Variants in B3GALT5 observed in about 807,000 individuals in gnomAD.
The protein encoded by B3GALT5 is beta-1,3-galactosyltransferase 5, also known as UDP-Gal:betaGlcNAc beta 1,3-galactosyltransferase, polypeptide 5.
For missense variants in B3GALT5, 328 were observed against 396.6 expected, an observed-to-expected ratio of 0.83 and a Z score of 1.47; for synonymous variants, 156 against 158.6, an observed-to-expected ratio of 0.98 and a Z score of 0.12.
intron 1 of B3GALT5, among the ~76,000 whole-genome samples, chr21:39,639,783 C>G (rs984303323): frequency 7.9e-5 from 12 of 151,962 alleles, no homozygotes; most frequent in African/African-American, 2.9e-4. Flanking sequence ...CAGCCCAGCA[C>G]GCATCTGGCA....
intron 1 of B3GALT5, among the ~76,000 whole-genome samples, chr21:39,625,628 A>G (rs2079159627): frequency 1.3e-5 from 2 of 152,202 alleles, no homozygotes; most frequent in Non-Finnish European, 2.9e-5. Flanking sequence ...AAAAGTCCTC[A>G]ATAAAGAAAC....
intron 2 of B3GALT5, among the ~76,000 whole-genome samples, chr21:39,654,956 T>C (rs2079428200): frequency 6.6e-6 from 1 of 152,242 alleles, no homozygotes; most frequent in African/African-American, 2.4e-5. Flanking sequence ...TGCTCTTTTA[T>C]GATATTTGCT....
In B3GALT5 at chr21:39,657,942, G is replaced by A; in HGVS notation, c.-160-1811G>A. 5 of 1,226,796 alleles carry A rather than the reference G, an allele frequency of 4.1e-6. No homozygotes were observed. The South Asian group carries it at 2.1e-4, about 51-fold the overall frequency. 76.0% of individuals were successfully genotyped at this position (1,226,796 alleles called of 1,614,324 possible). A position where few individuals can be genotyped will look rare whatever the true frequency, so the allele number is the denominator to read the frequency against. On this transcript the variant is annotated intron_variant, in intron 2 of 3. Coordinates refer to ENST00000684187, the MANE Select transcript of B3GALT5 (RefSeq NM_001356336.2). ...GTGCCTGTTCATGGCTCTGTCCCAG[G>A]TAAGGCAGAGCTAGCTTGTGCTGAG...
Position 39,644,256 on chromosome 21 carries a change from C to T in B3GALT5, c.-391-2136C>T, listed in dbSNP as rs565489636. Among the ~76,000 whole-genome samples, 14 of 152,236 alleles carry T rather than the reference C, an allele frequency of 9.2e-5. No homozygotes were observed. In the East Asian group the frequency reaches 9.6e-4, roughly 10 times the overall value. ...AGAAACGACTTTGAGTTCTGTCCTA[C>T]GTCCCCAACACCTGTGAAGATAAGG... On this transcript the variant is annotated intron_variant, in intron 1 of 3. Transcript: ENST00000684187.
At chr21:39,618,912 C>G (rs898226516) in intron 1 of B3GALT5, among the ~76,000 whole-genome samples, 2 of 152,130 alleles carry the variant, frequency 1.3e-5, no homozygotes, top group South Asian at 2.1e-4. Context: ...TAAAAGCCTT[C>G]AAGTTTTGCT....
chr21:39,639,448 C>T (rs1414613149), intron 1 of B3GALT5, among the ~76,000 whole-genome samples: 35 of 121,760 alleles, frequency 2.9e-4, no homozygotes, highest in Middle Eastern at 3.8e-3. Context: ...TTCTTTCTTT[C>T]TTTCTTTTTT....
intron 1 of B3GALT5, among the ~76,000 whole-genome samples, chr21:39,621,035 C>CAGG (rs1174073117): frequency 2.0e-5 from 3 of 152,124 alleles, no homozygotes; most frequent in African/African-American, 7.2e-5. Flanking sequence ...GAGACCAAAG[C>CAGG]AGGAGGATTG....
intron 1 of B3GALT5, among the ~76,000 whole-genome samples, chr21:39,626,094 C>T (rs1365992535): frequency 6.6e-6 from 1 of 152,132 alleles, no homozygotes; most frequent in Non-Finnish European, 1.5e-5. Flanking sequence ...TCCTCCCTAC[C>T]CCCAGCCCCT....
chr21:39,646,172 C>T (rs901916543), intron 1 of B3GALT5, among the ~76,000 whole-genome samples: 1 of 152,116 alleles, frequency 6.6e-6, no homozygotes, highest in African/African-American at 2.4e-5. Flanking sequence ...TGCCCGGAAG[C>T]TGGTGCCCCG....
At chr21:39,647,526 A>T (rs1467322263) in intron 2 of B3GALT5, among the ~76,000 whole-genome samples, 1 of 134,152 alleles carries the variant, frequency 7.5e-6, no homozygotes, top group Non-Finnish European at 1.6e-5. Flanking sequence ...TTTTGTAGAG[A>T]CAGGGTTTCA....
rs779012920 is a variant in B3GALT5 at position 39,661,001 on chromosome 21, C to T, written c.442C>T (p.Gln148Ter). Reference sequence around the variant, plus strand: ...AGAATGGGTCCATCGCTTTTGTCCTCAGGCGGCGTTTGTGATGAAAACAGA... The same window carrying T: ...AGAATGGGTCCATCGCTTTTGTCCTTAGGCGGCGTTTGTGATGAAAACAGA... ...GIEWVHRFCP[Q>*]AAFVMKTDSD... The change falls in exon 4 of 4, where the codon CAG (glutamine) becomes TAG (stop). Residue 148 changes from glutamine (Q) to a stop codon, truncating the protein, a stop_gained. Coordinates refer to ENST00000684187, the MANE Select transcript of B3GALT5 (RefSeq NM_001356336.2). LOFTEE classifies it low-confidence loss of function (END_TRUNC). The surrounding 1 kb of genome is among the most constrained non-coding windows in gnomAD (Gnocchi z 4.7). The T allele has an allele frequency of 6.2e-7, 1 of 1,613,042 alleles. No individual in the cohort carries two copies. Among genetic ancestry groups the T allele is most frequent in the Non-Finnish European group, 8.5e-7 (1 of 1,179,226 alleles).
At chr21:39,635,479 C>CT (rs1056282779) in intron 1 of B3GALT5, among the ~76,000 whole-genome samples, 14 of 152,038 alleles carry the variant, frequency 9.2e-5, no homozygotes, top group East Asian at 1.9e-4. Flanking sequence ...CTTCCATGCT[C>CT]TTTTTTTTGT....
intron 1 of B3GALT5, among the ~76,000 whole-genome samples, chr21:39,636,871 C>T (rs946135182): frequency 2.0e-5 from 3 of 152,128 alleles, no homozygotes; most frequent in African/African-American, 7.2e-5. Flanking sequence ...ATGCTCAGAA[C>T]GTGGTGGTGG....
At chr21:39,651,783 T>TTA (rs1555927734) in intron 2 of B3GALT5, among the ~76,000 whole-genome samples, 5 of 151,916 alleles carry the variant, frequency 3.3e-5, no homozygotes, top group Admixed American at 6.6e-5. Flanking sequence ...CAGTTTTTTT[T>TTA]ATCAGATCTA....
chr21:39,660,985 C>T lies in B3GALT5; in HGVS notation c.426C>T (p.Val142=), dbSNP rs753240764. ...TLKTMMGIEW[V]HRFCPQAAFV... ...AGACCATGATGGGCATAGAATGGGT[C>T]CATCGCTTTTGTCCTCAGGCGGCGT... The change falls in exon 4 of 4, where the codon GTC becomes GTT. Residue 142 remains valine, a synonymous_variant. Transcript: ENST00000684187. 5 of 1,611,574 alleles carry T rather than the reference C, an allele frequency of 3.1e-6. No individual in the cohort carries two copies. The highest frequency in any genetic ancestry group is 4.2e-6 in the Non-Finnish European group (5 of 1,178,260).
chr21:39,673,019 C>T lies in B3GALT5; in HGVS notation c.*11527C>T, dbSNP rs1446740158. 1 of 152,150 alleles carries T rather than the reference C, an allele frequency of 6.6e-6. No individual in the cohort carries two copies. The highest frequency in any genetic ancestry group is 6.5e-5 in the Admixed American group (1 of 15,274). The allele number at this position is 152,150 out of a possible 1,614,324, so 9.4% of individuals were successfully genotyped here. ...ATCATTTAAGTTGAAGAAATCAAGTCTTGTGAATTGATACGATTGTACTTC... is the reference window on the plus strand; with the variant it reads ...ATCATTTAAGTTGAAGAAATCAAGTTTTGTGAATTGATACGATTGTACTTC... On this transcript the variant is annotated 3_prime_UTR_variant, in exon 4 of 4. Transcript: ENST00000684187. The surrounding 1 kb of genome is among the most constrained non-coding windows in gnomAD (Gnocchi z 5.2).
intron 1 of B3GALT5, among the ~76,000 whole-genome samples, chr21:39,639,836 G>A (rs923013473): frequency 6.6e-5 from 10 of 152,022 alleles, no homozygotes; most frequent in Non-Finnish European, 8.8e-5. Context: ...CTCTCCTAGC[G>A]GCTAATCTGA....
chr21:39,667,810 AC>A lies in B3GALT5; in HGVS notation c.*6319del, dbSNP rs1323365988. 1 of 152,186 alleles carries A rather than the reference AC, an allele frequency of 6.6e-6. No individual in the cohort carries two copies. Among genetic ancestry groups the A allele is most frequent in the Non-Finnish European group, 1.5e-5 (1 of 68,026 alleles). 9.4% of individuals were successfully genotyped at this position (152,186 alleles called of 1,614,324 possible). The stretch of plus-strand genomic sequence containing the variant: ...GCTTCCAGGGCTGGGCGACCCACTT[AC>A]GGAGGCCCCATTCCATTTACATCTC... On this transcript the variant is annotated 3_prime_UTR_variant, in exon 4 of 4. Coordinates refer to ENST00000684187, the MANE Select transcript of B3GALT5 (RefSeq NM_001356336.2).
intron 3 of B3GALT5, 118 bp from the exon 4 acceptor site, chr21:39,660,442 C>G (rs1482498054): frequency 3.7e-6 from 3 of 811,998 alleles, no homozygotes; most frequent in Non-Finnish European, 5.3e-6. Context: ...CTTCTGTATG[C>G]AGCGAGGTTC....
Sources: gnomAD v4.1 joint callset for allele counts (sites outside exome capture counted in the v4.1 genomes callset) on GRCh38, gnomAD v4.1.1 for gene constraint, Gnocchi (gnomAD v3.1) non-coding constraint, MANE v1.5 for transcripts, NCBI Gene and HGNC (gene_info 2026-07-23, HGNC 2026-07-21) for gene names.